ZSCAN25: variants seen among roughly 807,000 people sequenced by gnomAD.
The protein encoded by ZSCAN25 is zinc finger and SCAN domain containing 25, also known as zinc finger and SCAN domain-containing protein 25.
In ZSCAN25, 27 loss-of-function variants were observed where a neutral mutation model predicts 38.7. The observed-to-expected ratio is 0.70, with a 90% CI of 0.51 to 0.96. The LOEUF is 0.96. Ranked by LOEUF, ZSCAN25 falls within the 40% of genes least tolerant of loss-of-function variation. ZSCAN25 has a pLI of 0.00. For missense variants in ZSCAN25, 637 were observed against 705.9 expected (o/e 0.90, Z 1.11); for synonymous variants, 273 against 277.7 (o/e 0.98, Z 0.17).
the ZSCAN25 span, among the ~76,000 whole-genome samples, chr7:99,662,216 G>A: frequency 6.6e-5 from 10 of 152,296 alleles, no homozygotes; most frequent in Admixed American, 2.6e-4. The surrounding 1 kb of genome is among the most constrained non-coding windows in gnomAD (Gnocchi z 4.3). Flanking sequence ...CCAAATCTTG[G>A]TAGCTTGAAA....
At chr7:99,624,579 G>A in intron 7 of ZSCAN25, 1 of 212,100 alleles carries the variant, frequency 4.7e-6, no homozygotes, top group Non-Finnish European at 9.8e-6. Context: ...CTTGCGGCAG[G>A]AAGTGGGCAG....
chr7:99,721,015 C>T, the ZSCAN25 span: 2 of 154,108 alleles, frequency 1.3e-5, no homozygotes, highest in African/African-American at 4.8e-5. Context: ...GCAAAACCTT[C>T]TCCCTAATGC....
the ZSCAN25 span, chr7:99,705,477 C>G: frequency 1.2e-6 from 2 of 1,611,974 alleles, no homozygotes; most frequent in Non-Finnish European, 1.7e-6. Flanking sequence ...TCTTAAAGAG[C>G]AAACCAGAAG....
the ZSCAN25 span, among the ~76,000 whole-genome samples, chr7:99,725,816 G>A: frequency 6.6e-6 from 1 of 152,140 alleles, no homozygotes; most frequent in African/African-American, 2.4e-5. Context: ...TACAGCAGAG[G>A]GTAAGTCCAT....
downstream of ZSCAN25, among the ~76,000 whole-genome samples, chr7:99,634,359 A>C (rs1808180828): frequency 6.6e-6 from 1 of 152,258 alleles, no homozygotes; most frequent in Non-Finnish European, 1.5e-5. Flanking sequence ...TTCTTAAAAA[A>C]TAAGCTGGTT....
At chr7:99,650,041 T>A in the ZSCAN25 span, 1 of 1,611,210 alleles carries the variant, frequency 6.2e-7, no homozygotes. Flanking sequence ...GTTAAAAAAA[T>A]TCTTAATAAA....
At chr7:99,685,284 T>C in the ZSCAN25 span, 1 of 1,608,924 alleles carries the variant, frequency 6.2e-7, no homozygotes, top group Non-Finnish European at 8.5e-7. Context: ...AAAGCAAAAT[T>C]AGAAACTGTA....
the ZSCAN25 span, among the ~76,000 whole-genome samples, chr7:99,673,655 C>T: frequency 2.0e-5 from 3 of 152,180 alleles, no homozygotes; most frequent in Non-Finnish European, 4.4e-5. Flanking sequence ...CTTTCAAAAG[C>T]ACATGTTAAA....
the ZSCAN25 span, chr7:99,720,340 T>G: frequency 2.5e-6 from 4 of 1,613,444 alleles, no homozygotes; most frequent in Middle Eastern, 1.7e-4. Flanking sequence ...CAGAATAACA[T>G]TCTTTCACTA....
At chr7:99,696,236 C>CTTTTTTTTTTTTTTTTTTTTTT in the ZSCAN25 span, among the ~76,000 whole-genome samples, 1 of 147,348 alleles carries the variant, frequency 6.8e-6, no homozygotes. Flanking sequence ...GAAAGGGTGA[C>CTTTTTTTTTTTTTTTTTTTTTT]TTTTTTTTTT....
chr7:99,656,385 A>C, the ZSCAN25 span, among the ~76,000 whole-genome samples: 5 of 152,180 alleles, frequency 3.3e-5, no homozygotes, highest in Non-Finnish European at 7.3e-5. Flanking sequence ...GATTATGTTT[A>C]TTGATTTGCG....
At chr7:99,709,772 A>ATG in the ZSCAN25 span, among the ~76,000 whole-genome samples, 2 of 61,470 alleles carry the variant, frequency 3.3e-5, no homozygotes, top group South Asian at 8.3e-4. Context: ...TGTATTATAT[A>ATG]TATGTGTGTG....
chr7:99,667,094 A>C, the ZSCAN25 span: 5 of 1,590,954 alleles, frequency 3.1e-6, no homozygotes, highest in South Asian at 2.2e-5. Flanking sequence ...ATTTTTTCTC[A>C]CATTAGTTGT....
the ZSCAN25 span, chr7:99,679,982 C>G: frequency 8.5e-7 from 1 of 1,181,536 alleles, no homozygotes; most frequent in Non-Finnish European, 1.3e-6. Flanking sequence ...CTGGAGCTTC[C>G]CTGCCCTGCA....
the ZSCAN25 span, among the ~76,000 whole-genome samples, chr7:99,711,473 A>G: frequency 7.9e-5 from 12 of 152,184 alleles, no homozygotes; most frequent in Non-Finnish European, 1.6e-4. Context: ...CTGTGACCTT[A>G]TTAGAAATGC....
At position 99,621,356 on chromosome 7, in the gene ZSCAN25, T is replaced by C. The variant is rs757156942; in HGVS notation, c.388-17T>C. 2.2e-6 allele frequency: 3 copies of C among 1,360,234 alleles called. No homozygotes were observed. Among genetic ancestry groups the C allele is most frequent in the Non-Finnish European group, 1.9e-6 (2 of 1,042,832 alleles). 84.3% of individuals were successfully genotyped at this position (1,360,234 alleles called of 1,614,324 possible). ...TGCCCAGGCCTCATTCTAATCGGTG[T>C]TGGGAACTGTTCTTAGGTTCCATGC... is the stretch of plus-strand genomic sequence containing the variant. On this transcript the variant is annotated splice_polypyrimidine_tract_variant and intron_variant, in intron 4 of 7. Transcript: ENST00000394152.
chr7:99,655,738 A>G, the ZSCAN25 span, among the ~76,000 whole-genome samples: 1 of 152,076 alleles, frequency 6.6e-6, no homozygotes, highest in South Asian at 2.1e-4. Context: ...ATTTGTTTGT[A>G]TCTTCTTTTA....
the ZSCAN25 span, among the ~76,000 whole-genome samples, chr7:99,725,406 G>C: frequency 1.3e-5 from 2 of 152,180 alleles, no homozygotes; most frequent in Admixed American, 6.5e-5. Context: ...AAGTGACAAT[G>C]CATCTCTGAA....
At chr7:99,726,692 C>G in the ZSCAN25 span, among the ~76,000 whole-genome samples, 10 of 152,282 alleles carry the variant, frequency 6.6e-5, no homozygotes, top group African/African-American at 1.9e-4. Flanking sequence ...TACTTTCTTC[C>G]CATCCCTCTG....
Sources: allele counts gnomAD v4.1 joint callset (sites outside exome capture counted in the v4.1 genomes callset), GRCh38; gene constraint gnomAD v4.1.1; non-coding constraint Gnocchi (gnomAD v3.1); transcripts MANE v1.5; gene names NCBI Gene and HGNC (gene_info 2026-07-23, HGNC 2026-07-21).